DGLUCY: variants seen among roughly 807,000 people sequenced by gnomAD.
The protein encoded by DGLUCY is D-glutamate cyclase.
A neutral mutation model predicts 58.5 loss-of-function variants in DGLUCY; 58 were observed. The observed-to-expected ratio is 0.99, with a 90% CI of 0.80 to 1.23. The LOEUF (loss-of-function observed/expected upper bound fraction) is 1.23, where lower values mean the gene tolerates loss of function less well. Ranked by LOEUF, DGLUCY falls within the 50% of genes most tolerant of loss-of-function variation. The pLI, the probability that DGLUCY is intolerant of heterozygous loss-of-function variation, is 0.00. For synonymous variants in DGLUCY, 325 were observed against 314.1 expected (o/e 1.03, Z -0.37); for missense variants, 779 against 784.7 (o/e 0.99, Z 0.09).
At position 91,068,079 on chromosome 14, in the gene DGLUCY, G is replaced by GCGCGCACA. The variant is rs375738080; in HGVS notation, c.-82+7376_-82+7377insGCGCACAC. On this transcript the variant is annotated intron_variant, in intron 1 of 4. Transcript: ENST00000521334. ...CGCGTGCACACACACACACGCGCACGCACACACACACACACACACACACAC... is the reference window on the plus strand; with the variant it reads ...CGCGTGCACACACACACACGCGCACGCGCGCACACACACACACACACACACACACACAC... Among the ~76,000 whole-genome samples the GCGCGCACA allele has an allele frequency of 2.6e-3, 380 of 146,430 alleles. 1 individual carries two copies. The highest frequency in any genetic ancestry group is 6.5e-3 in the East Asian group (32 of 4,940).
intron 1 of DGLUCY, among the ~76,000 whole-genome samples, chr14:91,108,522 T>A (rs1026353159): frequency 0.012 from 852 of 73,564 alleles, 2 homozygotes; most frequent in South Asian, 0.03. Flanking sequence ...TGTGTGTGTG[T>A]GTGTGAGAGA....
chr14:91,173,346 A>T lies in DGLUCY; in HGVS notation c.514A>T (p.Arg172Trp). 1 of 1,612,546 alleles carries T rather than the reference A, an allele frequency of 6.2e-7. No individual in the cohort carries two copies. The highest frequency in any genetic ancestry group is 8.5e-7 in the Non-Finnish European group (1 of 1,179,816). Reference sequence around the variant, plus strand: ...CTGCTGCCCTCTGGTGGTCACGATGAGGCCCATTCCCAAGGACAAGCTGGA... The same window carrying T: ...CTGCTGCCCTCTGGTGGTCACGATGTGGCCCATTCCCAAGGACAAGCTGGA... ...GFCCPLVVTMRPIPKDKLEGL... is the reference protein window; with the variant it reads ...GFCCPLVVTMWPIPKDKLEGL... Residue 172 changes from arginine (R) to tryptophan (W), a missense_variant, in exon 6 of 14, where the codon AGG (arginine) becomes TGG (tryptophan). By Grantham distance (101) the Arg-to-Trp change is moderately radical. Transcript: ENST00000256324.
In DGLUCY at chr14:91,062,561, ATATATATATATATATATATAT is replaced by A. The variant is rs2043735808; in HGVS notation, c.-82+1858_-82+1878del. 3.8e-3 allele frequency among the ~76,000 whole-genome samples: 19 copies of A among 4,976 alleles called. 1 individual carries two copies. The highest frequency in any genetic ancestry group is 6.1e-3 in the Admixed American group (3 of 492). 3.3% of individuals were successfully genotyped at this position (4,976 alleles called of 152,430 possible). ...AGACTCTGTCTAAAAAAAAAAAAAT[ATATATATATATATATATATAT>A]ATATATATATATATATATATATATA... On this transcript the variant is annotated intron_variant, in intron 1 of 4. Transcript: ENST00000521334.
At chr14:91,085,390 C>G (rs1052093193) in intron 1 of DGLUCY, among the ~76,000 whole-genome samples, 1 of 151,990 alleles carries the variant, frequency 6.6e-6, no homozygotes. Context: ...CTGGGCTGTG[C>G]CACGTTCTCC....
chr14:91,129,254 CAG>C (rs2045893896), intron 1 of DGLUCY, among the ~76,000 whole-genome samples: 1 of 152,078 alleles, frequency 6.6e-6, no homozygotes, highest in African/African-American at 2.4e-5. Context: ...AGAAATAGAT[CAG>C]AGTCAGTTTC....
chr14:91,121,352 A>T (rs2045345398), intron 1 of DGLUCY, among the ~76,000 whole-genome samples: 1 of 151,958 alleles, frequency 6.6e-6, no homozygotes, highest in Admixed American at 6.6e-5. Context: ...TTCTGAGAAG[A>T]CCCTCCTCTC....
In DGLUCY at chr14:91,097,750, T is replaced by G. The variant is rs192679040; in HGVS notation, c.-82+37046T>G. ...GTGCAATGGCGTGATCTTGGCTCACTGCAACCTCCATCTCCTGGGTTCAAG... is the reference window on the plus strand; with the variant it reads ...GTGCAATGGCGTGATCTTGGCTCACGGCAACCTCCATCTCCTGGGTTCAAG... On this transcript the variant is annotated intron_variant, in intron 1 of 4. Transcript: ENST00000521334. Among the ~76,000 whole-genome samples, 321 of 150,970 alleles carry G rather than the reference T, an allele frequency of 2.1e-3. 2 individuals are homozygous for G. Among genetic ancestry groups the G allele is most frequent in the African/African-American group, 7.5e-3 (309 of 41,178 alleles).
intron 1 of DGLUCY, among the ~76,000 whole-genome samples, chr14:91,149,098 T>C (rs1017564830): frequency 2.6e-5 from 4 of 151,676 alleles, no homozygotes; most frequent in Non-Finnish European, 4.4e-5. Context: ...AAATACAAAA[T>C]TAGCCAGGCG....
intron 1 of DGLUCY, among the ~76,000 whole-genome samples, chr14:91,066,809 G>A (rs1042009715): frequency 7.2e-5 from 11 of 151,996 alleles, no homozygotes; most frequent in African/African-American, 1.7e-4. Context: ...GGCCGGGCGC[G>A]GTGGCTCACG....
intron 10 of DGLUCY, among the ~76,000 whole-genome samples, chr14:91,199,197 C>T (rs1012602731): frequency 3.3e-5 from 5 of 152,030 alleles, no homozygotes; most frequent in African/African-American, 1.2e-4. Context: ...CAACCCTGAC[C>T]ATTGGCCTCC....
At chr14:91,084,811 T>C (rs2044184690) in intron 1 of DGLUCY, among the ~76,000 whole-genome samples, 1 of 152,178 alleles carries the variant, frequency 6.6e-6, no homozygotes, top group African/African-American at 2.4e-5. Flanking sequence ...AGCAATGCCT[T>C]CTCCTGCCTG....
chr14:91,199,750 C>T lies in DGLUCY; in HGVS notation c.1296-7C>T. ...CCCTCTGACCTCTGACCTTTGCTTC[C>T]CGGCAGATTTGACCACCTGGTGGCC... On this transcript the variant is annotated splice_polypyrimidine_tract_variant and splice_region_variant and intron_variant, in intron 10 of 13. Coordinates refer to ENST00000256324, the MANE Select transcript of DGLUCY (RefSeq NM_001102368.3). 1 of 1,613,936 alleles carries T rather than the reference C, an allele frequency of 6.2e-7. No individual in the cohort carries two copies. The highest frequency in any genetic ancestry group is 8.5e-7 in the Non-Finnish European group (1 of 1,179,852).
chr14:91,218,944 C>G (rs992217300), intron 13 of DGLUCY, among the ~76,000 whole-genome samples: 4 of 151,792 alleles, frequency 2.6e-5, no homozygotes, highest in African/African-American at 4.8e-5. Flanking sequence ...CTTTGGGAGG[C>G]TGAGGCGGGC....
intron 8 of DGLUCY, among the ~76,000 whole-genome samples, chr14:91,181,801 C>T (rs1313437052): frequency 1.3e-5 from 2 of 151,556 alleles, no homozygotes; most frequent in African/African-American, 4.9e-5. Flanking sequence ...CACGCTCCAC[C>T]ACACCTGGCT....
At position 91,147,213 on chromosome 14, in the gene DGLUCY, C is replaced by T. The variant is rs73332534; in HGVS notation, c.-81-10426C>T. Among the ~76,000 whole-genome samples, 885 of 152,264 alleles carry T rather than the reference C, an allele frequency of 5.8e-3. 4 individuals are homozygous for T. The highest frequency in any genetic ancestry group is 0.02 in the African/African-American group (833 of 41,548). Reference sequence around the variant, plus strand: ...ATTCCTGTCTCCATAGTTAGGAGTGCGTGGTCCTCATCCTGCCTGGATGTG... The same window carrying T: ...ATTCCTGTCTCCATAGTTAGGAGTGTGTGGTCCTCATCCTGCCTGGATGTG... On this transcript the variant is annotated intron_variant, in intron 1 of 13. Coordinates refer to ENST00000256324, the MANE Select transcript of DGLUCY (RefSeq NM_001102368.3).
chr14:91,196,544 A>G, intron 10 of DGLUCY, 70 bp downstream of exon 10: 4 of 1,299,442 alleles, frequency 3.1e-6, no homozygotes, highest in Non-Finnish European at 3.3e-6. Flanking sequence ...CTTAGCCAAC[A>G]AAGTGTCTGC....
At chr14:91,066,787 AAG>A (rs1446479581) in intron 1 of DGLUCY, among the ~76,000 whole-genome samples, 1 of 152,136 alleles carries the variant, frequency 6.6e-6, no homozygotes, top group Non-Finnish European at 1.5e-5. Flanking sequence ...CCTTGCTAGA[AAG>A]AGTTATTTCG....
intron 1 of DGLUCY, among the ~76,000 whole-genome samples, chr14:91,142,726 G>A (rs777906120): frequency 1.3e-4 from 19 of 151,900 alleles, no homozygotes; most frequent in Non-Finnish European, 2.5e-4. Flanking sequence ...TGGGTTGGGA[G>A]GCTGAGGTGG....
At chr14:91,144,379 G>A (rs1398478060) in intron 1 of DGLUCY, among the ~76,000 whole-genome samples, 3 of 152,158 alleles carry the variant, frequency 2.0e-5, no homozygotes, top group African/African-American at 7.2e-5. Flanking sequence ...GACCAATATG[G>A]TGAAACCTTG....
Sources: allele counts gnomAD v4.1 joint callset (sites outside exome capture counted in the v4.1 genomes callset), GRCh38; gene constraint gnomAD v4.1.1; transcripts MANE v1.5; gene names NCBI Gene and HGNC (gene_info 2026-07-23, HGNC 2026-07-21).